GALNTL6: variants seen among roughly 807,000 people sequenced by gnomAD.
GALNTL6 encodes the protein polypeptide N-acetylgalactosaminyltransferase like 6.
In GALNTL6, 46 loss-of-function variants were observed where a neutral mutation model predicts 73.7. The observed-to-expected ratio is 0.62, with a 90% CI of 0.49 to 0.80. The LOEUF is 0.80. GALNTL6 is among the 30% of genes least tolerant of loss of function. The pLI is 0.00. For missense variants in GALNTL6, 604 were observed against 755.0 expected (o/e 0.80, Z 2.34); for synonymous variants, 259 against 263.7 (o/e 0.98, Z 0.17).
At chr4:172,005,702 A>G (rs1740822850) in intron 2 of GALNTL6, among the ~76,000 whole-genome samples, 2 of 152,182 alleles carry the variant, frequency 1.3e-5, no homozygotes, top group Non-Finnish European at 2.9e-5. Flanking sequence ...ATCTTACTAC[A>G]TAGTTAAAAT....
intron 2 of GALNTL6, among the ~76,000 whole-genome samples, chr4:172,085,543 A>G (rs533502981): frequency 1.3e-5 from 2 of 152,066 alleles, no homozygotes; most frequent in South Asian, 4.1e-4. Context: ...TATATATTTC[A>G]TATGAAAATG....
intron 5 of GALNTL6, among the ~76,000 whole-genome samples, chr4:172,445,497 C>T (rs1026561835): frequency 3.3e-5 from 5 of 152,230 alleles, no homozygotes; most frequent in Middle Eastern, 3.4e-3. Context: ...CAGACATACA[C>T]GCACACATGC....
intron 2 of GALNTL6, among the ~76,000 whole-genome samples, chr4:172,081,725 G>A (rs5018668): frequency 0.34 from 51,118 of 152,060 alleles, 9,439 homozygotes; most frequent in East Asian, 0.52. Flanking sequence ...AACACAAGAT[G>A]AATGTGGGAG....
intron 11 of GALNTL6, among the ~76,000 whole-genome samples, chr4:173,019,597 C>A (rs938760326): frequency 6.6e-6 from 1 of 152,152 alleles, no homozygotes; most frequent in Non-Finnish European, 1.5e-5. Flanking sequence ...TGTCTCAGTC[C>A]ACAATTATAC....
intron 5 of GALNTL6, among the ~76,000 whole-genome samples, chr4:172,457,274 A>G (rs1475304202): frequency 6.6e-6 from 1 of 152,150 alleles, no homozygotes; most frequent in African/African-American, 2.4e-5. Flanking sequence ...AATTGTAAAG[A>G]CCATTGACAC....
At chr4:172,399,857 TTAC>T (rs1258207725) in intron 5 of GALNTL6, among the ~76,000 whole-genome samples, 1 of 152,154 alleles carries the variant, frequency 6.6e-6, no homozygotes, top group Admixed American at 6.6e-5. Flanking sequence ...TGCCCTAAAT[TTAC>T]TATTTGTTAA....
At chr4:172,119,680 A>G (rs1367096136) in intron 2 of GALNTL6, among the ~76,000 whole-genome samples, 2 of 152,292 alleles carry the variant, frequency 1.3e-5, no homozygotes, top group East Asian at 3.9e-4. Flanking sequence ...CAACTCAGTC[A>G]TTGTAACAAA....
At chr4:172,696,526 G>C (rs1399296716) in intron 5 of GALNTL6, among the ~76,000 whole-genome samples, 1 of 152,100 alleles carries the variant, frequency 6.6e-6, no homozygotes, top group Non-Finnish European at 1.5e-5. Flanking sequence ...TCATGGGAGG[G>C]ATCTGGTGGG....
intron 2 of GALNTL6, among the ~76,000 whole-genome samples, chr4:171,883,653 C>CT (rs796547805): frequency 0.052 from 7,539 of 143,918 alleles, 361 homozygotes; most frequent in African/African-American, 0.13. Context: ...CTTTTCTTTT[C>CT]TTTTTTTTTT....
At chr4:172,268,254 T>C (rs1738516630) in intron 3 of GALNTL6, among the ~76,000 whole-genome samples, 1 of 152,192 alleles carries the variant, frequency 6.6e-6, no homozygotes, top group African/African-American at 2.4e-5. Flanking sequence ...TCTGGGAAGC[T>C]GACTGAGAGA....
intron 5 of GALNTL6, among the ~76,000 whole-genome samples, chr4:172,701,743 G>C (rs946499796): frequency 6.6e-6 from 1 of 152,010 alleles, no homozygotes; most frequent in Non-Finnish European, 1.5e-5. Flanking sequence ...AATGGGTTCA[G>C]TACCTTTATA....
intron 2 of GALNTL6, among the ~76,000 whole-genome samples, chr4:172,181,431 C>T (rs550092197): frequency 1.3e-5 from 2 of 152,204 alleles, no homozygotes; most frequent in East Asian, 3.9e-4. Context: ...ATGCTAAAAA[C>T]TCTCAATAAC....
intron 2 of GALNTL6, among the ~76,000 whole-genome samples, chr4:171,868,183 C>A (rs1444261062): frequency 6.6e-6 from 1 of 151,748 alleles, no homozygotes; most frequent in Non-Finnish European, 1.5e-5. Flanking sequence ...GAGAAAGATT[C>A]TCACTGTGTT....
chr4:172,692,899 G>A (rs1173120167), intron 5 of GALNTL6, among the ~76,000 whole-genome samples: 1 of 152,122 alleles, frequency 6.6e-6, no homozygotes, highest in African/African-American at 2.4e-5. Flanking sequence ...GCCTGTGAAT[G>A]AGTCATGGTG....
chr4:172,308,033 T>TTTTTTC (rs1740213004), intron 3 of GALNTL6, among the ~76,000 whole-genome samples: 1 of 100,728 alleles, frequency 9.9e-6, no homozygotes, highest in Non-Finnish European at 1.9e-5. Flanking sequence ...TTTTTTTTTT[T>TTTTTTC]ACGGCTCTTG....
At chr4:172,854,299 CTA>C (rs1333277986) in intron 7 of GALNTL6, among the ~76,000 whole-genome samples, 1 of 152,102 alleles carries the variant, frequency 6.6e-6, no homozygotes, top group Non-Finnish European at 1.5e-5. Context: ...TTTCCTGTGA[CTA>C]TTTAATTTTA....
At chr4:172,314,875 G>A (rs892602008) in intron 4 of GALNTL6, among the ~76,000 whole-genome samples, 7 of 152,130 alleles carry the variant, frequency 4.6e-5, no homozygotes, top group Non-Finnish European at 8.8e-5. Context: ...CTCCCAAAGT[G>A]CTGGGATTAT....
chr4:172,619,398 C>T (rs149544638), intron 5 of GALNTL6, among the ~76,000 whole-genome samples: 59 of 152,234 alleles, frequency 3.9e-4, no homozygotes, highest in Non-Finnish European at 7.8e-4. Flanking sequence ...TTTCATTCTG[C>T]CAATTCATTC....
At chr4:171,834,236 C>T (rs531321250) in intron 2 of GALNTL6, among the ~76,000 whole-genome samples, 1 of 151,828 alleles carries the variant, frequency 6.6e-6, no homozygotes, top group South Asian at 2.1e-4. Flanking sequence ...AATTGATTGC[C>T]ACTTCAAAAT....
Sources: gnomAD v4.1 joint callset for allele counts (sites outside exome capture counted in the v4.1 genomes callset) on GRCh38, gnomAD v4.1.1 for gene constraint, MANE v1.5 for transcripts, NCBI Gene and HGNC (gene_info 2026-07-23, HGNC 2026-07-21) for gene names.